Variants in PHKB observed in about 807,000 individuals in gnomAD.
PHKB encodes the protein phosphorylase b kinase regulatory subunit beta.
Under a neutral mutation model 152.1 loss-of-function variants are expected in PHKB, and 122 were observed. That is an observed-to-expected ratio of 0.80 (90% confidence interval 0.69 to 0.93). The LOEUF is 0.93. Among genes scored for constraint, PHKB ranks in the 40% least tolerant of loss-of-function variants. The pLI is 0.00. For missense variants in PHKB, 1,304 were observed against 1,328.4 expected (o/e 0.98, Z 0.29); for synonymous variants, 436 against 464.9 (o/e 0.94, Z 0.80).
Position 47,570,303 on chromosome 16 carries a change from T to A in PHKB, c.711-9992T>A, listed in dbSNP as rs534734868. ...TGAATCTCCCAGGAGTTTTTTGAGC[T>A]TCTGGTATTTGGATGTCTAAATCTC... is the stretch of plus-strand genomic sequence containing the variant. On this transcript the variant is annotated intron_variant, in intron 7 of 30. Transcript: ENST00000323584. 3.8e-4 allele frequency among the ~76,000 whole-genome samples: 58 copies of A among 152,350 alleles called. 1 individual carries two copies. The highest frequency in any genetic ancestry group is 1.2e-3 in the African/African-American group (48 of 41,586).
At position 47,653,703 on chromosome 16, in the gene PHKB, A is replaced by C. The variant is rs1007470262; in HGVS notation, c.1971+2782A>C. 9.2e-5 allele frequency among the ~76,000 whole-genome samples: 14 copies of C among 152,328 alleles called. No individual in the cohort carries two copies. The East Asian group carries it at 2.5e-3, about 27-fold the overall frequency. ...CATTTTTCTATTCCTTTTAAGAAAT[A>C]TGTGGGCCTATATGGAAAAAAAAGA... On this transcript the variant is annotated intron_variant, in intron 20 of 30. Coordinates refer to ENST00000323584, the MANE Select transcript of PHKB (RefSeq NM_000293.3).
chr16:47,597,659 GTTTTCTT>G (rs1261305075), intron 13 of PHKB: 38 of 139,738 alleles, frequency 2.7e-4, no homozygotes, highest in African/African-American at 3.4e-4. Flanking sequence ...ACATGAAATA[GTTTTCTT>G]TTTTCTTTTT....
chr16:47,487,426 TA>T (rs879651053), intron 1 of PHKB, among the ~76,000 whole-genome samples: 6,154 of 148,556 alleles, frequency 0.041, 326 homozygotes, highest in Admixed American at 0.15. Flanking sequence ...TATATATATA[TA>T]TATTTTTTTT....
intron 9 of PHKB, among the ~76,000 whole-genome samples, 198 bp from the exon 10 acceptor site, chr16:47,588,707 C>T (rs1434824241): frequency 6.6e-6 from 1 of 152,184 alleles, no homozygotes; most frequent in Non-Finnish European, 1.5e-5. Context: ...CTTGAAAATA[C>T]TATCAACAAA....
chr16:47,499,555 G>C (rs1229017900), intron 2 of PHKB, among the ~76,000 whole-genome samples: 1 of 152,202 alleles, frequency 6.6e-6, no homozygotes, highest in African/African-American at 2.4e-5. Flanking sequence ...AAACTGGAAA[G>C]ATTTCTTTAT....
At chr16:47,504,177 G>C (rs1970371756) in intron 4 of PHKB, among the ~76,000 whole-genome samples, 1 of 152,234 alleles carries the variant, frequency 6.6e-6, no homozygotes, top group African/African-American at 2.4e-5. Flanking sequence ...GAGGAAGCCA[G>C]ATGCTAGCAC....
chr16:47,549,091 T>C (rs1971225891), intron 7 of PHKB, among the ~76,000 whole-genome samples: 1 of 152,212 alleles, frequency 6.6e-6, no homozygotes. Flanking sequence ...AAAAAGTCAG[T>C]GAAGTAGAGG....
chr16:47,681,129 G>T (rs1319137261), intron 26 of PHKB, among the ~76,000 whole-genome samples: 1 of 152,190 alleles, frequency 6.6e-6, no homozygotes, highest in African/African-American at 2.4e-5. Context: ...ACTGTGGTCT[G>T]AGAAACAGTT....
chr16:47,650,670 G>A, intron 19 of PHKB, 44 bp downstream of exon 19: 2 of 1,346,056 alleles, frequency 1.5e-6, no homozygotes, highest in Non-Finnish European at 2.1e-6. Context: ...TCACTGACAT[G>A]AACACAGTGA....
intron 13 of PHKB, among the ~76,000 whole-genome samples, chr16:47,606,064 A>G (rs1411200999): frequency 6.6e-6 from 1 of 152,244 alleles, no homozygotes; most frequent in Non-Finnish European, 1.5e-5. Flanking sequence ...CTGGAGCTTA[A>G]TAACTGTGTA....
intron 22 of PHKB, among the ~76,000 whole-genome samples, chr16:47,661,256 A>C (rs1267008975): frequency 5.3e-5 from 8 of 152,076 alleles, no homozygotes; most frequent in Non-Finnish European, 1.2e-4. Context: ...CCTAATATGT[A>C]ATAAACACTC....
At chr16:47,603,267 A>C (rs1972265061) in intron 13 of PHKB, among the ~76,000 whole-genome samples, 1 of 152,210 alleles carries the variant, frequency 6.6e-6, no homozygotes, top group Non-Finnish European at 1.5e-5. Context: ...AATAGAAAAG[A>C]GTGTACAGGT....
At chr16:47,641,770 GT>G (rs1973027517) in intron 16 of PHKB, 78 bp downstream of exon 16, 6 of 809,938 alleles carry the variant, frequency 7.4e-6, no homozygotes, top group Admixed American at 7.1e-5. Flanking sequence ...TTACAGACAA[GT>G]CACACAGTTA....
At chr16:47,645,035 T>C (rs934326005) in intron 16 of PHKB, among the ~76,000 whole-genome samples, 4 of 152,174 alleles carry the variant, frequency 2.6e-5, no homozygotes, top group African/African-American at 9.7e-5. Flanking sequence ...TTTCTTGAAA[T>C]AAAAAAGAAT....
chr16:47,629,261 C>T (rs1330354661), intron 14 of PHKB, among the ~76,000 whole-genome samples: 3 of 151,974 alleles, frequency 2.0e-5, no homozygotes, highest in South Asian at 2.1e-4. Flanking sequence ...AGAAAATTTT[C>T]ACAACCTACT....
intron 6 of PHKB, among the ~76,000 whole-genome samples, chr16:47,524,598 G>A (rs1187533349): frequency 6.6e-6 from 1 of 152,126 alleles, no homozygotes; most frequent in Non-Finnish European, 1.5e-5. Flanking sequence ...GTGAAACCCT[G>A]TATCTACTAA....
intron 20 of PHKB, 36 bp from the exon 21 acceptor site, chr16:47,660,469 AT>A (rs1973420601): frequency 2.6e-6 from 4 of 1,541,340 alleles, no homozygotes; most frequent in Admixed American, 1.7e-5. Context: ...GGCTTGATGT[AT>A]CTAAGAGTTT....
At chr16:47,653,462 C>A (rs1167974873) in intron 20 of PHKB, among the ~76,000 whole-genome samples, 30 of 152,178 alleles carry the variant, frequency 2.0e-4, no homozygotes, top group Admixed American at 1.9e-3. Context: ...TGAATCCCAG[C>A]AGTGTCTGGA....
intron 7 of PHKB, among the ~76,000 whole-genome samples, chr16:47,570,823 T>A (rs1311172363): frequency 1.3e-5 from 2 of 152,150 alleles, no homozygotes; most frequent in African/African-American, 4.8e-5. Flanking sequence ...AGAGTTAGTA[T>A]GTATTGGGGA....
Sources: gnomAD v4.1 joint callset for allele counts (sites outside exome capture counted in the v4.1 genomes callset) on GRCh38, gnomAD v4.1.1 for gene constraint, MANE v1.5 for transcripts, NCBI Gene and HGNC (gene_info 2026-07-23, HGNC 2026-07-21) for gene names.